DPF2: variants seen among roughly 807,000 people sequenced by gnomAD.
DPF2 encodes the protein zinc finger protein ubi-d4.
DPF2 carries 10 observed loss-of-function variants against 59.6 expected under a neutral mutation model. The observed-to-expected ratio is 0.17, with a 90% CI of 0.10 to 0.28. The LOEUF (loss-of-function observed/expected upper bound fraction) is 0.28. DPF2 is among the 10% of genes least tolerant of loss of function. DPF2 has a pLI of 1.00. For missense variants in DPF2, 315 were observed against 509.4 expected (o/e 0.62, Z 3.67); for synonymous variants, 189 against 190.6 (o/e 0.99, Z 0.07).
chr11:65,334,519 C>T (rs1323134798), intron 1 of DPF2, among the ~76,000 whole-genome samples: 1 of 152,232 alleles, frequency 6.6e-6, no homozygotes, highest in Non-Finnish European at 1.5e-5. Context: ...GGCCTTGGCC[C>T]CGTCCAGTAG....
In DPF2 at chr11:65,353,136, C is replaced by T. The variant is rs754480716; in HGVS notation, c.*1377C>T. ...TTTTGTGGAACCCCAATATGTAAAG[C>T]GAATATAAAATTGGTTATTTTGTTT... On this transcript the variant is annotated 3_prime_UTR_variant, in exon 11 of 11. Transcript: ENST00000528416. The T allele has an allele frequency of 2.0e-5, 3 of 150,956 alleles. No individual in the cohort carries two copies. The highest frequency in any genetic ancestry group is 2.9e-5 in the Non-Finnish European group (2 of 67,816). The allele number at this position is 150,956 out of a possible 1,614,324, so 9.4% of individuals were successfully genotyped here. A position where few individuals can be genotyped will look rare whatever the true frequency, so the allele number is the denominator to read the frequency against.
chr11:65,335,446 A>G (rs1565524587), intron 1 of DPF2, among the ~76,000 whole-genome samples: 1 of 152,134 alleles, frequency 6.6e-6, no homozygotes, highest in African/African-American at 2.4e-5. Flanking sequence ...GTGTTGGAAG[A>G]TTTTCCTCAG....
Position 65,341,432 on chromosome 11 carries a change from T to C in DPF2, c.335T>C (p.Ile112Thr), listed in dbSNP as rs1416673384. 2 of 1,614,214 alleles carry C rather than the reference T, an allele frequency of 1.2e-6. No individual in the cohort carries two copies. The highest frequency in any genetic ancestry group is 1.7e-6 in the Non-Finnish European group (2 of 1,180,040). The change falls in exon 4 of 11, where the codon ATC (isoleucine) becomes ACC (threonine). Residue 112 changes from isoleucine to threonine, a missense_variant. Physicochemically the swap from Ile to Thr is moderately conservative, Grantham distance 89. This residue lies in a region of DPF2 where 228 missense variants were observed against 275.3 expected (regional missense o/e 0.83). Transcript: ENST00000528416. Reference sequence around the variant, plus strand: ...CAGACCCTGAAGAAGGAGGGGCTGATCTCTCAGGATGGCAGTAGTTTAGAG... The same window carrying C: ...CAGACCCTGAAGAAGGAGGGGCTGACCTCTCAGGATGGCAGTAGTTTAGAG... ...TDQTLKKEGL[I>T]SQDGSSLEAL...
rs1854797049 is a variant in DPF2, at chr11:65,354,066, C to T, written c.*2307C>T. The stretch of plus-strand genomic sequence containing the variant: ...GGTAGGACGGGGGTGCGGACGGAAG[C>T]CTGTGAGGAAGGCAGAGGATGCGGA... On this transcript the variant is annotated 3_prime_UTR_variant, in exon 11 of 11. Coordinates refer to ENST00000528416, the MANE Select transcript of DPF2 (RefSeq NM_006268.5). Among the ~76,000 whole-genome samples, 1 of 152,084 alleles carries T rather than the reference C, an allele frequency of 6.6e-6. No individual in the cohort carries two copies. The highest frequency in any genetic ancestry group is 1.5e-5 in the Non-Finnish European group (1 of 68,024).
chr11:65,351,531 C>G lies in DPF2; in HGVS notation c.1100-152C>G, dbSNP rs548533381. 7.9e-5 allele frequency: 54 copies of G among 679,800 alleles called. No individual in the cohort carries two copies. In the African/African-American group the frequency reaches 9.3e-4, roughly 12 times the overall value. The allele number at this position is 679,800 out of a possible 1,614,324, so 42.1% of individuals were successfully genotyped here. A position where few individuals can be genotyped will look rare whatever the true frequency, so the allele number is the denominator to read the frequency against. ...TTGAAGACTTAGAGGTTTATCCCAG[C>G]TCAGGAAACCATGGAACTTTCCTGC... On this transcript the variant is annotated intron_variant, in intron 10 of 10. Coordinates refer to ENST00000528416, the MANE Select transcript of DPF2 (RefSeq NM_006268.5).
At position 65,352,707 on chromosome 11, in the gene DPF2, C is replaced by G. The variant is rs2137718823; in HGVS notation, c.*948C>G. ...GCCCCGTGTATCCTGGCTCTCAGCT[C>G]ATGGGGAAGCCACATAGACATCCCT... On this transcript the variant is annotated 3_prime_UTR_variant, in exon 11 of 11. Coordinates refer to ENST00000528416, the MANE Select transcript of DPF2 (RefSeq NM_006268.5). 1 of 152,830 alleles carries G rather than the reference C, an allele frequency of 6.5e-6. No individual in the cohort carries two copies. The highest frequency in any genetic ancestry group is 1.9e-4 in the East Asian group (1 of 5,184). The allele number at this position is 152,830 out of a possible 1,614,324, so 9.5% of individuals were successfully genotyped here.
intron 9 of DPF2, chr11:65,348,507 G>T (rs61895424): frequency 0.28 from 56,079 of 203,716 alleles, 9,471 homozygotes; most frequent in Non-Finnish European, 0.36. Flanking sequence ...CTTGGGCCCA[G>T]GAGGTCAAGG....
At position 65,352,974 on chromosome 11, in the gene DPF2, A is replaced by G. The variant is rs960470474; in HGVS notation, c.*1215A>G. 1 of 151,744 alleles carries G rather than the reference A, an allele frequency of 6.6e-6. No individual in the cohort carries two copies. Among genetic ancestry groups the G allele is most frequent in the Non-Finnish European group, 1.5e-5 (1 of 67,996 alleles). The allele number at this position is 151,744 out of a possible 1,614,324, so 9.4% of individuals were successfully genotyped here. On this transcript the variant is annotated 3_prime_UTR_variant, in exon 11 of 11. Transcript: ENST00000528416. ...AACATTAGTAAAAATAAATGTTTTT[A>G]CACAGAGCCCTCTGCTGGATGGTTT...
chr11:65,349,903 A>G (rs1349841754), intron 10 of DPF2, among the ~76,000 whole-genome samples: 1 of 152,122 alleles, frequency 6.6e-6, no homozygotes, highest in African/African-American at 2.4e-5. Flanking sequence ...TACAGGCAAG[A>G]GAAAGTGTTT....
chr11:65,352,203 C>G lies in DPF2; in HGVS notation c.*444C>G. Reference sequence around the variant, plus strand: ...GCTGGGAGCGAGCAAGCTGAGGCCACGTCCACAAGGAGCTTTTCATGCCCC... The same window carrying G: ...GCTGGGAGCGAGCAAGCTGAGGCCAGGTCCACAAGGAGCTTTTCATGCCCC... On this transcript the variant is annotated 3_prime_UTR_variant, in exon 11 of 11. Coordinates refer to ENST00000528416, the MANE Select transcript of DPF2 (RefSeq NM_006268.5). 5.2e-6 allele frequency: 1 copy of G among 191,948 alleles called. No individual in the cohort carries two copies. The highest frequency in any genetic ancestry group is 1.1e-5 in the Non-Finnish European group (1 of 91,308). The allele number at this position is 191,948 out of a possible 1,614,324, so 11.9% of individuals were successfully genotyped here.
rs139955640 is a variant in DPF2, at chr11:65,341,551, C to T, written c.454C>T (p.Arg152Ter). 1.2e-6 allele frequency: 2 copies of T among 1,614,078 alleles called. No individual in the cohort carries two copies. The highest frequency in any genetic ancestry group is 1.7e-5 in the Admixed American group (1 of 60,014). ...SLGEFPVTNSRARKRILEPDD... is the reference protein window; with the variant it reads ...SLGEFPVTNS ...GGGCGAGTTTCCTGTGACCAACAGT[C>T]GAGCGCGAAAGGTACAGGATTATCC... is the stretch of plus-strand genomic sequence containing the variant. Residue 152 changes from arginine (R) to a stop codon, truncating the protein, a stop_gained, in exon 4 of 11, where the codon CGA becomes TGA. Transcript: ENST00000528416. LOFTEE classifies it high-confidence loss of function.
intron 6 of DPF2, chr11:65,344,592 A>G: frequency 6.5e-7 from 1 of 1,535,980 alleles, no homozygotes; most frequent in Non-Finnish European, 8.7e-7. Flanking sequence ...AGTTTCAAAC[A>G]AAAGCATACC....
Position 65,346,404 on chromosome 11 carries a change from T to G in DPF2, c.1017+45T>G, listed in dbSNP as rs4647590. On this transcript the variant is annotated intron_variant, in intron 9 of 10. Coordinates refer to ENST00000528416, the MANE Select transcript of DPF2 (RefSeq NM_006268.5). The stretch of plus-strand genomic sequence containing the variant: ...CCTCAGCATGGCTCCTTCTGGGCTT[T>G]TACTGCTGTTTGCACAGTTCCCTCT... 1.2e-3 allele frequency: 1,822 copies of G among 1,551,800 alleles called. 12 individuals are homozygous for G. The East Asian group carries it at 0.019, about 16-fold the overall frequency.
chr11:65,340,588 G>T, intron 2 of DPF2, 43 bp downstream of exon 2: 1 of 1,608,658 alleles, frequency 6.2e-7, no homozygotes, highest in South Asian at 1.1e-5. Context: ...GGAGCATAAG[G>T]AGGAAGAAGC....
chr11:65,344,462 C>A, intron 6 of DPF2: 1 of 982,644 alleles, frequency 1.0e-6, no homozygotes, highest in South Asian at 1.5e-5. Context: ...TCCCTCCACC[C>A]TGGGAGCACC....
chr11:65,346,467 C>T (rs1329864305), intron 9 of DPF2, 108 bp downstream of exon 9: 1 of 942,552 alleles, frequency 1.1e-6, no homozygotes, highest in African/African-American at 1.7e-5. Flanking sequence ...CAGGATCCCT[C>T]CCACATGCCA....
chr11:65,341,441 A>T lies in DPF2; in HGVS notation c.344A>T (p.Asp115Val). Residue 115 changes from aspartate (D) to valine (V), a missense_variant, in exon 4 of 11, where the codon GAT (aspartate) becomes GTT (valine). Around this residue, in one of 4 missense-constraint regions of DPF2, gnomAD observed 228 missense variants for 275.3 expected, o/e 0.83. Transcript: ENST00000528416. Reference protein sequence around the residue: ...TLKKEGLISQDGSSLEALLRT... With the variant: ...TLKKEGLISQVGSSLEALLRT... The stretch of plus-strand genomic sequence containing the variant: ...AAGAAGGAGGGGCTGATCTCTCAGG[A>T]TGGCAGTAGTTTAGAGGCTCTGTTG... 4.3e-6 allele frequency: 7 copies of T among 1,614,204 alleles called. No individual in the cohort carries two copies. The highest frequency in any genetic ancestry group is 1.6e-4 in the Middle Eastern group (1 of 6,062).
intron 9 of DPF2, chr11:65,347,224 G>A (rs907771502): frequency 2.0e-5 from 3 of 152,038 alleles, no homozygotes; most frequent in Non-Finnish European, 2.9e-5. Flanking sequence ...ATGTTTGCCA[G>A]GCTGGTATCG....
rs760927784 is a variant in DPF2, at chr11:65,341,370, G to A, written c.302-29G>A. On this transcript the variant is annotated intron_variant, in intron 3 of 10. Coordinates refer to ENST00000528416, the MANE Select transcript of DPF2 (RefSeq NM_006268.5). ...AGCAGTCTGCTTTCAGCCCTTTTGAGCCTTGCTTTATCCTGACCTTGCTTG... is the reference window on the plus strand; with the variant it reads ...AGCAGTCTGCTTTCAGCCCTTTTGAACCTTGCTTTATCCTGACCTTGCTTG... 14 of 1,613,082 alleles carry A rather than the reference G, an allele frequency of 8.7e-6. No individual in the cohort carries two copies. In the East Asian group the frequency reaches 2.7e-4, roughly 31 times the overall value.
Sources: gnomAD v4.1 joint callset for allele counts (sites outside exome capture counted in the v4.1 genomes callset) on GRCh38, gnomAD v4.1.1 for gene constraint, gnomAD v4.1.1 regional missense constraint, MANE v1.5 for transcripts, NCBI Gene and HGNC (gene_info 2026-07-23, HGNC 2026-07-21) for gene names.